STK32B: variants seen among roughly 807,000 people sequenced by gnomAD.
STK32B encodes serine/threonine kinase 32B, also known as serine/threonine-protein kinase 32B.
STK32B carries 43 observed loss-of-function variants against 52.6 expected under a neutral mutation model. The ratio of observed to expected loss-of-function variants is 0.82; its 90% confidence interval spans 0.64 to 1.05. STK32B has a LOEUF of 1.05. Ranked by LOEUF, STK32B falls within the 50% of genes least tolerant of loss-of-function variation. The pLI, the probability that STK32B is intolerant of heterozygous loss-of-function variation, is 0.00. For missense variants in STK32B, 621 were observed against 534.6 expected (o/e 1.16, Z -1.59); for synonymous variants, 238 against 204.3 (o/e 1.17, Z -1.41).
At chr4:5,424,907 T>G (rs1341293058) in intron 6 of STK32B, among the ~76,000 whole-genome samples, 1 of 152,216 alleles carries the variant, frequency 6.6e-6, no homozygotes, top group East Asian at 1.9e-4. Context: ...TGTGATGCCC[T>G]CTTTGGGGCT....
chr4:5,186,702 A>G (rs758617486), intron 3 of STK32B, among the ~76,000 whole-genome samples: 4 of 152,168 alleles, frequency 2.6e-5, no homozygotes, highest in Non-Finnish European at 4.4e-5. Flanking sequence ...CGATGTCTTC[A>G]TCAGTCTCCA....
intron 6 of STK32B, among the ~76,000 whole-genome samples, chr4:5,435,498 A>G (rs1243793922): frequency 6.6e-6 from 1 of 152,196 alleles, no homozygotes; most frequent in Non-Finnish European, 1.5e-5. Context: ...AGCCCATGCT[A>G]TAAAGATGAA....
At chr4:5,439,547 G>C (rs1445316380) in intron 6 of STK32B, among the ~76,000 whole-genome samples, 2 of 151,274 alleles carry the variant, frequency 1.3e-5, no homozygotes, top group African/African-American at 4.9e-5. Flanking sequence ...CTCCCATTTT[G>C]TAGGTTGCCT....
intron 5 of STK32B, among the ~76,000 whole-genome samples, chr4:5,410,274 G>A (rs1711563539): frequency 6.6e-6 from 1 of 152,206 alleles, no homozygotes. Context: ...CTGCTTCTTT[G>A]AAGCAGCACC....
At chr4:5,494,682 A>G (rs1202552263) in intron 11 of STK32B, among the ~76,000 whole-genome samples, 4 of 152,180 alleles carry the variant, frequency 2.6e-5, no homozygotes, top group African/African-American at 9.7e-5. Flanking sequence ...GATGGTCTTT[A>G]CATTTTGGCA....
chr4:5,490,742 G>C (rs527911138), intron 11 of STK32B, among the ~76,000 whole-genome samples: 1 of 151,910 alleles, frequency 6.6e-6, no homozygotes, highest in African/African-American at 2.4e-5. Context: ...CCCCACAACA[G>C]TCTCCAGAGT....
chr4:5,049,488 T>C (rs1343021495), upstream of STK32B, among the ~76,000 whole-genome samples: 1 of 152,078 alleles, frequency 6.6e-6, no homozygotes, highest in Non-Finnish European at 1.5e-5. Flanking sequence ...GGCAGTTTTA[T>C]AGGATTTGGG....
chr4:5,456,898 A>T lies in STK32B; in HGVS notation c.758A>T (p.Lys253Met). 1 of 1,580,906 alleles carries T rather than the reference A, an allele frequency of 6.3e-7. No individual in the cohort carries two copies. The highest frequency in any genetic ancestry group is 8.6e-7 in the Non-Finnish European group (1 of 1,162,152). The change falls in exon 8 of 12, where the codon AAG (lysine) becomes ATG (methionine). Residue 253 changes from lysine (K) to methionine (M), a missense_variant. Coordinates refer to ENST00000282908, the MANE Select transcript of STK32B (RefSeq NM_018401.3). ...ERVHYSSTWC[K>M]GMVALLRKLL... ...GTCCACTACTCCTCCACGTGGTGCA[A>T]GGGGATGGTGGCCCTGCTGAGGAAG...
intron 3 of STK32B, among the ~76,000 whole-genome samples, chr4:5,313,408 C>G (rs571461081): frequency 2.0e-5 from 3 of 152,050 alleles, no homozygotes; most frequent in African/African-American, 4.8e-5. Flanking sequence ...TAAGGAACAT[C>G]ACGGTGACAG....
At chr4:5,335,789 T>C (rs1383873289) in intron 4 of STK32B, among the ~76,000 whole-genome samples, 2 of 152,248 alleles carry the variant, frequency 1.3e-5, no homozygotes, top group South Asian at 2.1e-4. Flanking sequence ...TTGAGCAGTT[T>C]TGAGTGAGTT....
intron 3 of STK32B, among the ~76,000 whole-genome samples, chr4:5,295,181 T>A (rs1483733912): frequency 6.6e-6 from 1 of 152,184 alleles, no homozygotes; most frequent in Non-Finnish European, 1.5e-5. Context: ...TTTGCCAGTA[T>A]TTTATTGAGG....
At chr4:5,071,994 CT>C (rs1711811230) in intron 1 of STK32B, among the ~76,000 whole-genome samples, 1 of 152,152 alleles carries the variant, frequency 6.6e-6, no homozygotes, top group African/African-American at 2.4e-5. Flanking sequence ...CTTACACCCC[CT>C]GGTGACCCTT....
At chr4:5,272,234 A>G (rs1197987192) in intron 3 of STK32B, among the ~76,000 whole-genome samples, 1 of 145,694 alleles carries the variant, frequency 6.9e-6, no homozygotes, top group Non-Finnish European at 1.5e-5. Flanking sequence ...AATTTTGTCA[A>G]AGGCTTTTTC....
chr4:5,492,694 A>G (rs1284388109), intron 11 of STK32B, among the ~76,000 whole-genome samples: 1 of 151,138 alleles, frequency 6.6e-6, no homozygotes, highest in African/African-American at 2.5e-5. Context: ...CCCATTCAGT[A>G]TGATATTGGC....
rs1711898499 is a variant in STK32B at position 5,413,598 on chromosome 4, T to G, written c.473-3247T>G. Among the ~76,000 whole-genome samples, 2 of 152,242 alleles carry G rather than the reference T, an allele frequency of 1.3e-5. 1 individual carries two copies. Among genetic ancestry groups the G allele is most frequent in the South Asian group, 4.1e-4 (2 of 4,832 alleles). On this transcript the variant is annotated intron_variant, in intron 5 of 11. Transcript: ENST00000282908. Reference sequence around the variant, plus strand: ...ACAACACTTAAAACAAAATTAACATTATTTGCATTTTTAAAACTTCTTTAT... The same window carrying G: ...ACAACACTTAAAACAAAATTAACATGATTTGCATTTTTAAAACTTCTTTAT...
chr4:5,127,274 A>G, intron 1 of STK32B: 2 of 411,078 alleles, frequency 4.9e-6, no homozygotes, highest in Admixed American at 2.7e-5. Context: ...CACATTAAGT[A>G]CTTAAACAAC....
At chr4:5,466,038 C>T (rs933192074) in intron 9 of STK32B, among the ~76,000 whole-genome samples, 1 of 152,228 alleles carries the variant, frequency 6.6e-6, no homozygotes. Flanking sequence ...GCCAAAGCTG[C>T]TGTTATAGCC....
intron 4 of STK32B, among the ~76,000 whole-genome samples, chr4:5,383,953 G>T (rs1417160438): frequency 6.6e-6 from 1 of 152,222 alleles, no homozygotes; most frequent in Non-Finnish European, 1.5e-5. Flanking sequence ...AGGGCATGGA[G>T]AGAAATGAAG....
intron 4 of STK32B, among the ~76,000 whole-genome samples, chr4:5,368,736 C>A (rs1011646680): frequency 6.6e-6 from 1 of 152,192 alleles, no homozygotes; most frequent in Non-Finnish European, 1.5e-5. Context: ...CACCTTCCTG[C>A]AGTTCCTGTC....
Sources: allele counts gnomAD v4.1 joint callset (sites outside exome capture counted in the v4.1 genomes callset), GRCh38; gene constraint gnomAD v4.1.1; transcripts MANE v1.5; gene names NCBI Gene and HGNC (gene_info 2026-07-23, HGNC 2026-07-21).